WDR91: variants seen among roughly 807,000 people sequenced by gnomAD.
WDR91 encodes WD repeat domain 91.
A neutral mutation model predicts 88.4 loss-of-function variants in WDR91; 52 were observed. That is an observed-to-expected ratio of 0.59 (90% confidence interval 0.47 to 0.74). The LOEUF (loss-of-function observed/expected upper bound fraction) is 0.74. Among genes scored for constraint, WDR91 ranks in the 30% least tolerant of loss-of-function variants. WDR91 has a pLI of 0.00. For synonymous variants in WDR91, 362 were observed against 389.5 expected (o/e 0.93, Z 0.83); for missense variants, 824 against 954.5 (o/e 0.86, Z 1.80).
chr7:135,189,674 A>T (rs1348224529), intron 11 of WDR91, among the ~76,000 whole-genome samples: 1 of 152,240 alleles, frequency 6.6e-6, no homozygotes, highest in Non-Finnish European at 1.5e-5. Flanking sequence ...TGGTTTCCAT[A>T]GAGAAATGAT....
Position 135,209,705 on chromosome 7 carries a change from C to A in WDR91, c.174G>T (p.Leu58Phe). ...AGCTCCAATAATCCCGAAGGGCAGC[C>A]AAGTCATACACCTGCATTAACTGCT... Reference protein sequence around the residue: ...QLQQLMQVYDLAALRDYWSYL... With the variant: ...QLQQLMQVYDFAALRDYWSYL... Residue 58 changes from leucine (L) to phenylalanine (F), a missense_variant, in exon 2 of 15, where the codon TTG (leucine) becomes TTT (phenylalanine). Transcript: ENST00000354475. The A allele has an allele frequency of 1.2e-6, 2 of 1,613,204 alleles. No homozygotes were observed. The highest frequency in any genetic ancestry group is 1.7e-6 in the Non-Finnish European group (2 of 1,179,624).
intron 11 of WDR91, among the ~76,000 whole-genome samples, chr7:135,191,558 T>C (rs370977170): frequency 1.3e-4 from 19 of 141,778 alleles, no homozygotes; most frequent in African/African-American, 4.7e-4. Flanking sequence ...TGAGCAGAGA[T>C]TGTGCCGCTG....
chr7:135,190,574 TATA>T (rs1831126029), intron 11 of WDR91, among the ~76,000 whole-genome samples: 1 of 151,488 alleles, frequency 6.6e-6, no homozygotes, highest in South Asian at 2.1e-4. Context: ...ACATTAGATT[TATA>T]ATGAGAACAT....
chr7:135,198,112 C>T lies in WDR91; in HGVS notation c.931G>A (p.Gly311Arg), dbSNP rs764956783. 1 of 1,613,802 alleles carries T rather than the reference C, an allele frequency of 6.2e-7. No individual in the cohort carries two copies. The highest frequency in any genetic ancestry group is 8.5e-7 in the Non-Finnish European group (1 of 1,179,766). ...GKDPTSGAKD[G>R]KSLLSGLATG... Reference sequence around the variant, plus strand: ...GCCAGCCCGCTGAGGAGGCTCTTCCCATCCTTGGCTCCGGACGTCGGGTCC... The same window carrying T: ...GCCAGCCCGCTGAGGAGGCTCTTCCTATCCTTGGCTCCGGACGTCGGGTCC... Residue 311 changes from glycine to arginine, a missense_variant, in exon 7 of 15, where the codon GGG (glycine) becomes AGG (arginine). Gly to Arg is a moderately radical substitution (Grantham distance 125, BLOSUM62 -2). Coordinates refer to ENST00000354475, the MANE Select transcript of WDR91 (RefSeq NM_014149.4).
At chr7:135,211,300 C>T in intron 1 of WDR91, 80 bp downstream of exon 1, 1 of 1,513,722 alleles carries the variant, frequency 6.6e-7, no homozygotes, top group African/African-American at 1.4e-5. Context: ...GCTCTCGCCC[C>T]GGAGGCAGTG....
At chr7:135,194,907 C>T (rs754588024) in intron 9 of WDR91, 27 bp downstream of exon 9, 11 of 1,611,406 alleles carry the variant, frequency 6.8e-6, no homozygotes, top group Admixed American at 6.7e-5. Flanking sequence ...GCCAGCAAAG[C>T]GGGCCCCACA....
chr7:135,198,512 T>C (rs1831459361), intron 6 of WDR91: 1 of 195,602 alleles, frequency 5.1e-6, no homozygotes, highest in Non-Finnish European at 1.0e-5. Flanking sequence ...GTTATACACA[T>C]TTACAAGCAA....
At position 135,198,130 on chromosome 7, in the gene WDR91, T is replaced by A. The variant is rs780600365; in HGVS notation, c.913A>T (p.Thr305Ser). ...GGQGTKGKDP[T>S]SGAKDGKSLL... ...CTCTTCCCATCCTTGGCTCCGGACG[T>A]CGGGTCCTTTCCCTTGGTGCCCTAG... Residue 305 changes from threonine to serine, a missense_variant, in exon 7 of 15, where the codon ACG becomes TCG. Coordinates refer to ENST00000354475, the MANE Select transcript of WDR91 (RefSeq NM_014149.4). 2.5e-6 allele frequency: 4 copies of A among 1,613,322 alleles called. No individual in the cohort carries two copies. Among genetic ancestry groups the A allele is most frequent in the Non-Finnish European group, 3.4e-6 (4 of 1,179,654 alleles).
Position 135,192,126 on chromosome 7 carries a change from T to G in WDR91, c.1659+1105A>C, listed in dbSNP as rs866121553. ...CTGTTGTGTTTTTTTTTTTTTTTTT[T>G]TTTTTTTTTGAGACAGGGTCTCACT... On this transcript the variant is annotated intron_variant, in intron 11 of 14. Transcript: ENST00000354475. 1.2e-3 allele frequency among the ~76,000 whole-genome samples: 175 copies of G among 149,764 alleles called. 2 individuals are homozygous for G. The highest frequency in any genetic ancestry group is 3.9e-3 in the African/African-American group (159 of 40,486).
chr7:135,198,299 T>C, intron 6 of WDR91, 148 bp from the exon 7 acceptor site: 1 of 890,644 alleles, frequency 1.1e-6, no homozygotes, highest in Non-Finnish European at 1.7e-6. Flanking sequence ...GTAGGTGAGG[T>C]CATAGTCAGC....
In WDR91 at chr7:135,208,978, A is replaced by G. The variant is rs949772205; in HGVS notation, c.324T>C (p.Ala108=). ...TGGCCTGCTTTGCAAAGAACTCCTG[A>G]GCCTTGTCATTTCTGTTTGTCTGCC... is the stretch of plus-strand genomic sequence containing the variant. ...YTIQTNRNDK[A]QEFFAKQATE... is the part of the protein sequence containing the mutation. The change falls in exon 3 of 15, where the codon GCT becomes GCC. Residue 108 remains alanine (A), a synonymous_variant. Transcript: ENST00000354475. 3 of 1,613,880 alleles carry G rather than the reference A, an allele frequency of 1.9e-6. No homozygotes were observed. The African/African-American group carries it at 4.0e-5, about 22-fold the overall frequency.
chr7:135,204,695 G>C (rs1356668532), intron 5 of WDR91, among the ~76,000 whole-genome samples: 1 of 152,174 alleles, frequency 6.6e-6, no homozygotes, highest in Non-Finnish European at 1.5e-5. Flanking sequence ...ATAGCCACTG[G>C]TCACGTGTGC....
chr7:135,192,046 T>C (rs1831183843), intron 11 of WDR91, among the ~76,000 whole-genome samples: 1 of 151,518 alleles, frequency 6.6e-6, no homozygotes, highest in Admixed American at 6.6e-5. Flanking sequence ...CATTTGCTTA[T>C]GGACTGACTG....
Position 135,208,689 on chromosome 7 carries a change from AT to A in WDR91, c.511+101del, listed in dbSNP as rs1831897126. On this transcript the variant is annotated intron_variant, in intron 3 of 14. Transcript: ENST00000354475. ...TGACCCATAAAAATGGTCCCTGGGC[AT>A]TTTTGTAGAAGAAATGCCTGTATGG... The A allele has an allele frequency of 5.3e-6, 6 of 1,126,242 alleles. No homozygotes were observed. The South Asian group carries it at 1.1e-4, about 22-fold the overall frequency. The allele number at this position is 1,126,242 out of a possible 1,614,324, so 69.8% of individuals were successfully genotyped here.
intron 9 of WDR91, among the ~76,000 whole-genome samples, chr7:135,194,280 T>A (rs139801924): frequency 5.0e-4 from 76 of 152,312 alleles, no homozygotes; most frequent in African/African-American, 1.8e-3. Flanking sequence ...AGGTAGAGTG[T>A]GACCTCGGCA....
chr7:135,186,400 T>C, intron 14 of WDR91, 85 bp from the exon 15 acceptor site: 4 of 1,444,254 alleles, frequency 2.8e-6, no homozygotes, highest in Non-Finnish European at 2.8e-6. Context: ...TACCTGAGGA[T>C]GTGCCTGAGG....
chr7:135,193,765 T>C (rs918422412), intron 9 of WDR91, 93 bp from the exon 10 acceptor site: 7 of 1,060,418 alleles, frequency 6.6e-6, no homozygotes, highest in Non-Finnish European at 9.9e-6. Flanking sequence ...GGGCAGGCTG[T>C]GGGGGTGAGG....
chr7:135,199,066 T>C (rs1355086724), intron 6 of WDR91: 1 of 152,232 alleles, frequency 6.6e-6, no homozygotes, highest in Admixed American at 6.5e-5. Flanking sequence ...CAAGAAACCA[T>C]TTCTACACAA....
In WDR91 at chr7:135,211,522, G is replaced by A. The variant is rs574700005; in HGVS notation, c.-20C>T. 5.0e-5 allele frequency: 80 copies of A among 1,609,150 alleles called. 1 individual carries two copies. The East Asian group carries it at 1.7e-3, about 34-fold the overall frequency. ...CGCCATCGCAGCGCTAGCGTCTTTA[G>A]GGGTGGTGCGGTGAGGGACGGAGGG... is the stretch of plus-strand genomic sequence containing the variant. On this transcript the variant is annotated 5_prime_UTR_variant, in exon 1 of 15. Coordinates refer to ENST00000354475, the MANE Select transcript of WDR91 (RefSeq NM_014149.4).
Sources: gnomAD v4.1 joint callset for allele counts (sites outside exome capture counted in the v4.1 genomes callset) on GRCh38, gnomAD v4.1.1 for gene constraint, MANE v1.5 for transcripts, NCBI Gene and HGNC (gene_info 2026-07-23, HGNC 2026-07-21) for gene names.